The following KCNK5 variants were observed in gnomAD, a reference collection of about 807,000 sequenced individuals.
KCNK5 encodes potassium two pore domain channel subfamily K member 5.
KCNK5 carries 18 observed loss-of-function variants against 32.9 expected under a neutral mutation model. The ratio of observed to expected loss-of-function variants is 0.55; its 90% CI spans 0.38 to 0.81. The LOEUF (loss-of-function observed/expected upper bound fraction) is 0.81, where lower values mean the gene tolerates loss of function less well. Ranked by LOEUF, KCNK5 falls within the 30% of genes least tolerant of loss-of-function variation. The pLI is 0.00. For synonymous variants in KCNK5, 276 were observed against 275.3 expected, an observed-to-expected ratio of 1.00 and a Z score of -0.03; for missense variants, 507 against 651.0, an observed-to-expected ratio of 0.78 and a Z score of 2.41.
intron 1 of KCNK5, among the ~76,000 whole-genome samples, chr6:39,196,849 G>C (rs1306388347): frequency 1.3e-5 from 2 of 152,214 alleles, no homozygotes; most frequent in Non-Finnish European, 2.9e-5. Context: ...GGCCACCTGG[G>C]GATGGGATGT....
chr6:39,194,289 G>C lies in KCNK5; in HGVS notation c.514C>G (p.Leu172Val). 3 of 1,613,894 alleles carry C rather than the reference G, an allele frequency of 1.9e-6. No individual in the cohort carries two copies. Among genetic ancestry groups the C allele is most frequent in the Non-Finnish European group, 2.5e-6 (3 of 1,179,882 alleles). The change falls in exon 4 of 5, where the codon CTA becomes GTA. Residue 172 changes from leucine (L) to valine (V), a missense_variant. By Grantham distance (32) the Leu-to-Val change is conservative. Transcript: ENST00000359534. This position sits in a 1 kb window ranked among gnomAD's most constrained non-coding sequence, Gnocchi z 4.7. ...AAGGGTGGGATCACCAGGTGGACTA[G>C]GACGCCCCACACGATGAAGATGACT... is the stretch of plus-strand genomic sequence containing the variant. ...CTVIFIVWGV[L>V]VHLVIPPFVF...
Position 39,194,489 on chromosome 6 carries a change from C to T in KCNK5, c.465+105G>A. The T allele has an allele frequency of 6.9e-7, 1 of 1,447,136 alleles. No individual in the cohort carries two copies. The highest frequency in any genetic ancestry group is 9.4e-7 in the Non-Finnish European group (1 of 1,061,408). 89.6% of individuals were successfully genotyped at this position (1,447,136 alleles called of 1,614,324 possible). On this transcript the variant is annotated intron_variant, in intron 3 of 4. Transcript: ENST00000359534. The surrounding 1 kb of genome is among the most constrained non-coding windows in gnomAD (Gnocchi z 4.7). ...AAGGAGCTCTGAAACTATCCTCTTGCCATCTGTCCTTACACCCTTGGTCCA... is the reference window on the plus strand; with the variant it reads ...AAGGAGCTCTGAAACTATCCTCTTGTCATCTGTCCTTACACCCTTGGTCCA...
At chr6:39,227,000 A>T (rs1355632772) in intron 1 of KCNK5, among the ~76,000 whole-genome samples, 1 of 152,086 alleles carries the variant, frequency 6.6e-6, no homozygotes, top group African/African-American at 2.4e-5. Flanking sequence ...GACAGATTTA[A>T]CAGGACTGCT....
At chr6:39,219,311 G>T (rs946120735) in intron 1 of KCNK5, among the ~76,000 whole-genome samples, 1 of 152,204 alleles carries the variant, frequency 6.6e-6, no homozygotes, top group Non-Finnish European at 1.5e-5. Context: ...ATAACAATAA[G>T]CTGGTCTTGA....
chr6:39,205,532 C>T (rs1771208758), intron 1 of KCNK5, among the ~76,000 whole-genome samples: 2 of 152,186 alleles, frequency 1.3e-5, no homozygotes, highest in Admixed American at 1.3e-4. Flanking sequence ...GTCCATGGTC[C>T]TGTGCTGGTG....
intron 1 of KCNK5, among the ~76,000 whole-genome samples, chr6:39,226,810 G>T (rs1295222832): frequency 6.6e-6 from 1 of 152,100 alleles, no homozygotes; most frequent in Non-Finnish European, 1.5e-5. Flanking sequence ...TTCCTATGAC[G>T]GGAAGGGACT....
At chr6:39,217,118 CAA>C (rs57204833) in intron 1 of KCNK5, among the ~76,000 whole-genome samples, 17,030 of 72,662 alleles carry the variant, frequency 0.23, 1,438 homozygotes, top group East Asian at 0.43. Flanking sequence ...AAAACTCCAT[CAA>C]AAAAAAAAAA....
At chr6:39,213,256 G>A (rs1278248735) in intron 1 of KCNK5, among the ~76,000 whole-genome samples, 2 of 152,200 alleles carry the variant, frequency 1.3e-5, no homozygotes, top group Admixed American at 1.3e-4. Flanking sequence ...AAAAAATTGA[G>A]TTATTTGTTA....
chr6:39,224,560 C>T (rs1771617001), intron 1 of KCNK5, among the ~76,000 whole-genome samples: 1 of 152,124 alleles, frequency 6.6e-6, no homozygotes, highest in Admixed American at 6.5e-5. Flanking sequence ...TAGACCAGTC[C>T]AAAGGGTCCA....
In KCNK5 at chr6:39,194,813, G is replaced by C. The variant is rs1771001152; in HGVS notation, c.299-53C>G. Reference sequence around the variant, plus strand: ...ACAGGAGGGGTGGTCAAACCAGTGGGCCTTGCTTCCAACACACACACAGCC... The same window carrying C: ...ACAGGAGGGGTGGTCAAACCAGTGGCCCTTGCTTCCAACACACACACAGCC... On this transcript the variant is annotated intron_variant, in intron 2 of 4. Transcript: ENST00000359534. This position sits in a 1 kb window ranked among gnomAD's most constrained non-coding sequence, Gnocchi z 4.7. 1 of 1,535,532 alleles carries C rather than the reference G, an allele frequency of 6.5e-7. No individual in the cohort carries two copies. The highest frequency in any genetic ancestry group is 1.4e-5 in the African/African-American group (1 of 73,084).
rs1198407095 is a variant in KCNK5 at position 39,189,533 on chromosome 6, A to C, written c.*1357T>G. On this transcript the variant is annotated 3_prime_UTR_variant, in exon 5 of 5. Transcript: ENST00000359534. ...GAAGCCAACAACAGATTCCAGGTAT[A>C]TAAAAACAGCAGTTTGTTTAAAAAA... 6.6e-6 allele frequency: 1 copy of C among 152,652 alleles called. No individual in the cohort carries two copies. Among genetic ancestry groups the C allele is most frequent in the Non-Finnish European group, 1.5e-5 (1 of 68,044 alleles). The allele number at this position is 152,652 out of a possible 1,614,324, so 9.5% of individuals were successfully genotyped here.
rs1254206030 is a variant in KCNK5, at chr6:39,189,181, G to A, written c.*1709C>T. On this transcript the variant is annotated 3_prime_UTR_variant, in exon 5 of 5. Coordinates refer to ENST00000359534, the MANE Select transcript of KCNK5 (RefSeq NM_003740.4). ...AAACGGCTAGAGAAGTGGGGGTGTG[G>A]GCACGTGCCCATCACTGTCTTCACA... 1.3e-5 allele frequency: 2 copies of A among 152,230 alleles called. No homozygotes were observed. The highest frequency in any genetic ancestry group is 2.9e-5 in the Non-Finnish European group (2 of 68,054). 9.4% of individuals were successfully genotyped at this position (152,230 alleles called of 1,614,324 possible).
intron 1 of KCNK5, among the ~76,000 whole-genome samples, chr6:39,197,995 C>T (rs1173082953): frequency 2.0e-5 from 3 of 152,170 alleles, no homozygotes; most frequent in Non-Finnish European, 4.4e-5. Context: ...TGAACTCTTG[C>T]AAACTTCAAA....
At chr6:39,201,544 C>CCCAGCAATCAATT (rs1389303546) in intron 1 of KCNK5, among the ~76,000 whole-genome samples, 1 of 152,182 alleles carries the variant, frequency 6.6e-6, no homozygotes, top group Non-Finnish European at 1.5e-5. Flanking sequence ...AGCCACCACT[C>CCCAGCAATCAATT]CCAGCAATCA....
chr6:39,210,193 C>A (rs1047252600), intron 1 of KCNK5, among the ~76,000 whole-genome samples: 3 of 152,192 alleles, frequency 2.0e-5, no homozygotes, highest in Non-Finnish European at 2.9e-5. Context: ...CAGACTTGCC[C>A]AGGGAGGTCC....
At chr6:39,218,796 A>G (rs2113796471) in intron 1 of KCNK5, among the ~76,000 whole-genome samples, 1 of 152,316 alleles carries the variant, frequency 6.6e-6, no homozygotes, top group African/African-American at 2.4e-5. Context: ...CAGCTAGGGA[A>G]CTGCCCTTCT....
intron 1 of KCNK5, among the ~76,000 whole-genome samples, chr6:39,202,600 G>T (rs1771148875): frequency 6.6e-6 from 1 of 152,182 alleles, no homozygotes; most frequent in Non-Finnish European, 1.5e-5. Context: ...CTGTCCCCTT[G>T]GGAAACTCCA....
At chr6:39,197,755 T>C (rs1261212349) in intron 1 of KCNK5, among the ~76,000 whole-genome samples, 2 of 152,218 alleles carry the variant, frequency 1.3e-5, no homozygotes, top group African/African-American at 2.4e-5. Context: ...CTACCTTTGC[T>C]ACCTCAGATA....
rs1472898290 is a variant in KCNK5, at chr6:39,191,230, G to T, written c.1160C>A (p.Ala387Asp). 1.2e-6 allele frequency: 2 copies of T among 1,614,184 alleles called. No individual in the cohort carries two copies. Among genetic ancestry groups the T allele is most frequent in the South Asian group, 2.2e-5 (2 of 91,090 alleles). ...VARAPEDSSP[A>D]PEVFMNQLDR... ...CAGCTGGTTCATGAACACCTCGGGG[G>T]CAGGGGAGCTGTCTTCAGGGGCCCG... Residue 387 changes from alanine (A) to aspartate (D), a missense_variant, in exon 5 of 5, where the codon GCC becomes GAC. By Grantham distance (126) the Ala-to-Asp change is moderately radical. Coordinates refer to ENST00000359534, the MANE Select transcript of KCNK5 (RefSeq NM_003740.4). The surrounding 1 kb of genome is among the most constrained non-coding windows in gnomAD (Gnocchi z 5.8).
Sources: gnomAD v4.1 joint callset for allele counts (sites outside exome capture counted in the v4.1 genomes callset) on GRCh38, gnomAD v4.1.1 for gene constraint, Gnocchi (gnomAD v3.1) non-coding constraint, MANE v1.5 for transcripts, NCBI Gene and HGNC (gene_info 2026-07-23, HGNC 2026-07-21) for gene names.